Variants in LRP2 observed in about 807,000 individuals in gnomAD.
The protein encoded by LRP2 is low-density lipoprotein receptor-related protein 2.
Under a neutral mutation model 531.0 loss-of-function variants are expected in LRP2, and 172 were observed. The observed-to-expected ratio is 0.32, with a 90% confidence interval of 0.29 to 0.37. LRP2 has a LOEUF of 0.37. LRP2 is among the 10% of genes least tolerant of loss of function. The pLI is 1.00. For synonymous variants in LRP2, 1,992 were observed against 2,027.6 expected, an observed-to-expected ratio of 0.98 and a Z score of 0.47; for missense variants, 5,167 against 5,868.3, an observed-to-expected ratio of 0.88 and a Z score of 3.90.
Position 169,258,975 on chromosome 2 carries a change from TGTAAAAGACATACA to T in LRP2, c.2513+36_2513+49del, listed in dbSNP as rs746714024. The T allele has an allele frequency of 3.9e-6, 6 of 1,534,630 alleles. No individual in the cohort carries two copies. The East Asian group carries it at 1.4e-4, about 35-fold the overall frequency. ...CCCTAGGGCATCACTTTTCAATGAC[TGTAAAAGACATACA>T]GTTTCAAGCTCTTAGGAAAACATGA... On this transcript the variant is annotated intron_variant, in intron 17 of 78. Coordinates refer to ENST00000649046, the MANE Select transcript of LRP2 (RefSeq NM_004525.3).
In LRP2 at chr2:169,128,692, T is replaced by A; in HGVS notation, c.13939A>T (p.Asn4647Tyr). The change falls in exon 79 of 79, where the codon AAT becomes TAT. Residue 4647 changes from asparagine (N) to tyrosine (Y), a missense_variant. Coordinates refer to ENST00000649046, the MANE Select transcript of LRP2 (RefSeq NM_004525.3). Reference protein sequence around the residue: ...ATEDTFKDTANLVKEDSEV With the variant: ...ATEDTFKDTAYLVKEDSEV Reference sequence around the variant, plus strand: ...ACTTCAGAGTCTTCTTTAACAAGATTTGCGGTGTCTTTAAAAGTGTCTTCT... The same window carrying A: ...ACTTCAGAGTCTTCTTTAACAAGATATGCGGTGTCTTTAAAAGTGTCTTCT... 1 of 1,614,160 alleles carries A rather than the reference T, an allele frequency of 6.2e-7. No homozygotes were observed. Among genetic ancestry groups the A allele is most frequent in the Non-Finnish European group, 8.5e-7 (1 of 1,179,998 alleles).
At chr2:169,326,880 A>G (rs999837194) in intron 1 of LRP2, among the ~76,000 whole-genome samples, 1 of 144,230 alleles carries the variant, frequency 6.9e-6, no homozygotes, top group Non-Finnish European at 1.5e-5. Context: ...CCCGTCTGGG[A>G]TGTGAGGAGT....
At chr2:169,360,500 T>C (rs1686120608) in intron 1 of LRP2, among the ~76,000 whole-genome samples, 1 of 152,180 alleles carries the variant, frequency 6.6e-6, no homozygotes, top group Admixed American at 6.5e-5. Context: ...GTATTGGTTA[T>C]TTAGTGACTA....
intron 9 of LRP2, 84 bp from the exon 10 acceptor site, chr2:169,283,085 C>T: frequency 7.0e-7 from 1 of 1,424,880 alleles, no homozygotes; most frequent in Non-Finnish European, 9.8e-7. Context: ...GATAAGATGG[C>T]CAAGAATGTG....
rs374897854 is a variant in LRP2, at chr2:169,277,629, T to G, written c.1772+116A>C. 45 of 933,190 alleles carry G rather than the reference T, an allele frequency of 4.8e-5. 2 individuals are homozygous for G. The highest frequency in any genetic ancestry group is 2.1e-4 in the East Asian group (8 of 38,340). The allele number at this position is 933,190 out of a possible 1,614,324, so 57.8% of individuals were successfully genotyped here. A position where few individuals can be genotyped will look rare whatever the true frequency, so the allele number is the denominator to read the frequency against. ...GTCAGTACAAAGGTCATTAAAGCTA[T>G]CATGTCCACCAACAAAGCAATATTT... On this transcript the variant is annotated intron_variant, in intron 13 of 78. Coordinates refer to ENST00000649046, the MANE Select transcript of LRP2 (RefSeq NM_004525.3).
chr2:169,189,924 G>A (rs1033228987), intron 48 of LRP2, among the ~76,000 whole-genome samples: 3 of 152,150 alleles, frequency 2.0e-5, no homozygotes, highest in Non-Finnish European at 4.4e-5. Context: ...CAAAGAAAGG[G>A]AGAGAGGAAA....
At chr2:169,321,462 CAAA>C (rs929689152) in intron 1 of LRP2, among the ~76,000 whole-genome samples, 2 of 117,938 alleles carry the variant, frequency 1.7e-5, no homozygotes, top group Non-Finnish European at 1.8e-5. Flanking sequence ...GTTACATATG[CAAA>C]AAAAAAAAAA....
chr2:169,288,328 T>C (rs886616643), intron 9 of LRP2, among the ~76,000 whole-genome samples: 1 of 152,172 alleles, frequency 6.6e-6, no homozygotes, highest in African/African-American at 2.4e-5. Context: ...AAAATCTCAT[T>C]GGGAGAAATC....
intron 70 of LRP2, among the ~76,000 whole-genome samples, chr2:169,144,878 G>T (rs966164290): frequency 6.6e-6 from 1 of 152,140 alleles, no homozygotes; most frequent in Non-Finnish European, 1.5e-5. Flanking sequence ...CATTCAACCT[G>T]GGACTTTGGC....
chr2:169,158,703 T>G (rs1686450009), intron 63 of LRP2, among the ~76,000 whole-genome samples: 1 of 151,936 alleles, frequency 6.6e-6, no homozygotes, highest in Non-Finnish European at 1.5e-5. Context: ...ATTTCTTAAT[T>G]TTTCAAAATA....
chr2:169,340,089 T>C (rs1685524031), intron 1 of LRP2, among the ~76,000 whole-genome samples: 1 of 152,162 alleles, frequency 6.6e-6, no homozygotes, highest in African/African-American at 2.4e-5. Context: ...TAGAGTCATT[T>C]AGAGTAAGTT....
intron 31 of LRP2, among the ~76,000 whole-genome samples, 164 bp downstream of exon 31, chr2:169,231,550 G>A (rs1265655494): frequency 6.6e-6 from 1 of 152,028 alleles, no homozygotes; most frequent in Non-Finnish European, 1.5e-5. Flanking sequence ...TACAACCAAG[G>A]CACACAGTGA....
intron 62 of LRP2, among the ~76,000 whole-genome samples, chr2:169,163,922 G>T (rs1232070152): frequency 6.6e-6 from 1 of 152,166 alleles, no homozygotes; most frequent in Non-Finnish European, 1.5e-5. Context: ...CAGAGCAGAG[G>T]CATGAGCTAA....
intron 32 of LRP2, 69 bp from the exon 33 acceptor site, chr2:169,225,522 A>T (rs1689171944): frequency 2.6e-6 from 4 of 1,542,380 alleles, no homozygotes; most frequent in Non-Finnish European, 3.6e-6. Flanking sequence ...CCCTTTCTTC[A>T]CTGTGGCTAC....
At chr2:169,279,055 G>C (rs1298158533) in intron 12 of LRP2, among the ~76,000 whole-genome samples, 1 of 152,120 alleles carries the variant, frequency 6.6e-6, no homozygotes, top group Non-Finnish European at 1.5e-5. Context: ...TTATTAGATT[G>C]AGTTAGAACA....
chr2:169,136,562 T>C (rs1685518126), intron 76 of LRP2, among the ~76,000 whole-genome samples: 1 of 152,074 alleles, frequency 6.6e-6, no homozygotes, highest in Non-Finnish European at 1.5e-5. Flanking sequence ...GGTCCTTGCC[T>C]TAACTGATGA....
At chr2:169,338,364 G>GAA (rs1553515988) in intron 1 of LRP2, among the ~76,000 whole-genome samples, 1 of 82,780 alleles carries the variant, frequency 1.2e-5, no homozygotes, top group African/African-American at 5.3e-5. Context: ...AAGAAGGAAA[G>GAA]AAAGAAAGAA....
intron 21 of LRP2, 88 bp downstream of exon 21, chr2:169,246,617 T>G (rs928309466): frequency 6.7e-6 from 10 of 1,484,698 alleles, no homozygotes; most frequent in African/African-American, 4.2e-5. Flanking sequence ...TTTTCCCATA[T>G]AAATAGCCCA....
At chr2:169,269,854 C>A (rs1359795713) in intron 16 of LRP2, among the ~76,000 whole-genome samples, 1 of 152,294 alleles carries the variant, frequency 6.6e-6, no homozygotes, top group East Asian at 1.9e-4. Context: ...ACAATCTACC[C>A]ATCTTACAAA....
Sources: gnomAD v4.1 joint callset for allele counts (sites outside exome capture counted in the v4.1 genomes callset) on GRCh38, gnomAD v4.1.1 for gene constraint, MANE v1.5 for transcripts, NCBI Gene and HGNC (gene_info 2026-07-23, HGNC 2026-07-21) for gene names.